Variants in KLF7 observed in about 807,000 individuals in gnomAD.
KLF7 encodes KLF transcription factor 7.
KLF7 carries 2 observed loss-of-function variants against 27.3 expected under a neutral mutation model. That is an observed-to-expected ratio of 0.07 (90% confidence interval 0.03 to 0.23). The LOEUF is 0.23. Ranked by LOEUF, KLF7 falls within the 10% of genes least tolerant of loss-of-function variation. The probability of loss-of-function intolerance (pLI) is 1.00; values close to 1 mark genes in which losing one functional copy is unlikely to be tolerated. For missense variants in KLF7, 221 were observed against 394.1 expected, an observed-to-expected ratio of 0.56 and a Z score of 3.72; for synonymous variants, 165 against 162.4, an observed-to-expected ratio of 1.02 and a Z score of -0.12.
intron 3 of KLF7, among the ~76,000 whole-genome samples, chr2:207,088,217 G>A (rs1221286316): frequency 6.6e-6 from 1 of 152,054 alleles, no homozygotes; most frequent in African/African-American, 2.4e-5. Flanking sequence ...ACCATTTCTG[G>A]CTCAAAGCTA....
intron 1 of KLF7, among the ~76,000 whole-genome samples, chr2:207,155,790 C>T (rs945841324): frequency 6.6e-6 from 1 of 152,200 alleles, no homozygotes; most frequent in Non-Finnish European, 1.5e-5. Context: ...AGAAGCTGCA[C>T]TTCACTAACA....
chr2:207,135,207 C>A (rs2077751559), intron 1 of KLF7, among the ~76,000 whole-genome samples: 1 of 151,886 alleles, frequency 6.6e-6, no homozygotes, highest in Admixed American at 6.6e-5. Flanking sequence ...ATCTGGAATT[C>A]TATGAGGAAG....
At chr2:207,170,228 C>A (rs918004597), upstream of KLF7, among the ~76,000 whole-genome samples, 1 of 152,134 alleles carries the variant, frequency 6.6e-6, no homozygotes. Context: ...GATGGAAGAT[C>A]AAACCAGCAA....
chr2:207,166,300 G>A (rs2078707059), upstream of KLF7: 3 of 451,538 alleles, frequency 6.6e-6, no homozygotes, highest in Non-Finnish European at 8.8e-6. Flanking sequence ...GGCACGCTGC[G>A]GATCTCCCTG....
chr2:207,150,895 A>G lies in KLF7; in HGVS notation c.102+14572T>C, dbSNP rs181102136. Among the ~76,000 whole-genome samples the G allele has an allele frequency of 2.5e-3, 377 of 152,220 alleles. 3 individuals are homozygous for G. Among genetic ancestry groups the G allele is most frequent in the South Asian group, 0.016 (78 of 4,822 alleles). On this transcript the variant is annotated intron_variant, in intron 1 of 3. Transcript: ENST00000309446. ...TCCTGCAAATGTTCATTAATAGAAG[A>G]TAATCATAAAATTAAAAACAACAAA...
At chr2:207,119,585 A>T (rs2077281562) in intron 2 of KLF7, among the ~76,000 whole-genome samples, 1 of 152,214 alleles carries the variant, frequency 6.6e-6, no homozygotes, top group African/African-American at 2.4e-5. Flanking sequence ...AAAATATATG[A>T]AGACCAGAAC....
At position 207,124,206 on chromosome 2, in the gene KLF7, G is replaced by A. The variant is rs773069957; in HGVS notation, c.301C>T (p.Arg101Trp). Residue 101 changes from arginine (R) to tryptophan (W), a missense_variant, in exon 2 of 4, where the codon CGG (arginine) becomes TGG (tryptophan). Arg to Trp is a moderately radical substitution (Grantham distance 101). Coordinates refer to ENST00000309446, the MANE Select transcript of KLF7 (RefSeq NM_003709.4). ...KSSAVDILLS[R>W]DKLLSETCLS... is the part of the protein sequence containing the mutation. ...CAGGTCTCAGATAGCAACTTGTCCC[G>A]AGAGAGCAAGATGTCCACTGCCGAG... 4 of 1,614,128 alleles carry A rather than the reference G, an allele frequency of 2.5e-6. No homozygotes were observed. Among genetic ancestry groups the A allele is most frequent in the South Asian group, 1.1e-5 (1 of 91,066 alleles).
chr2:207,107,713 C>G (rs2076915655), intron 2 of KLF7, among the ~76,000 whole-genome samples: 1 of 152,166 alleles, frequency 6.6e-6, no homozygotes, highest in Non-Finnish European at 1.5e-5. Context: ...TGCCAAATGC[C>G]AGCCGGCTCT....
intron 1 of KLF7, among the ~76,000 whole-genome samples, chr2:207,129,170 T>G: frequency 6.6e-6 from 1 of 152,226 alleles, no homozygotes; most frequent in East Asian, 1.9e-4. Context: ...AACTGTAAAT[T>G]TGGATAGAGA....
intron 2 of KLF7, among the ~76,000 whole-genome samples, chr2:207,098,045 T>C (rs1290955857): frequency 6.6e-6 from 1 of 152,190 alleles, no homozygotes; most frequent in Non-Finnish European, 1.5e-5. Flanking sequence ...CACTTATACC[T>C]GAAGCTGTAT....
At chr2:207,099,015 A>G (rs2076695718) in intron 2 of KLF7, among the ~76,000 whole-genome samples, 1 of 152,122 alleles carries the variant, frequency 6.6e-6, no homozygotes, top group South Asian at 2.1e-4. Flanking sequence ...AGCATGGGTA[A>G]TATCAAGGCA....
intron 2 of KLF7, among the ~76,000 whole-genome samples, chr2:207,106,083 T>C (rs189631333): frequency 1.2e-3 from 178 of 152,380 alleles, no homozygotes; most frequent in African/African-American, 4.0e-3. Context: ...TAATTACTTT[T>C]TAAATGTGCA....
intron 2 of KLF7, among the ~76,000 whole-genome samples, chr2:207,101,126 A>C (rs1037362487): frequency 6.6e-6 from 1 of 152,380 alleles, no homozygotes; most frequent in South Asian, 2.1e-4. Context: ...AAACAGGAAA[A>C]GTCAAATGCT....
At chr2:207,093,717 C>T (rs1405113619) in intron 2 of KLF7, among the ~76,000 whole-genome samples, 1 of 152,214 alleles carries the variant, frequency 6.6e-6, no homozygotes, top group Non-Finnish European at 1.5e-5. Flanking sequence ...CCGTCCGATA[C>T]ATTAGGTGAA....
At chr2:207,083,268 T>C (rs996370688) in intron 3 of KLF7, among the ~76,000 whole-genome samples, 4 of 152,230 alleles carry the variant, frequency 2.6e-5, no homozygotes, top group African/African-American at 9.6e-5. Flanking sequence ...CAACTCAGTA[T>C]TGCCCACTGC....
chr2:207,161,679 T>C (rs1025528643), intron 1 of KLF7, among the ~76,000 whole-genome samples: 1 of 152,230 alleles, frequency 6.6e-6, no homozygotes, highest in Admixed American at 6.5e-5. Flanking sequence ...CTGTACGTTT[T>C]CCCCTAGAGA....
intron 1 of KLF7, among the ~76,000 whole-genome samples, chr2:207,158,650 C>T (rs1322815618): frequency 6.6e-6 from 1 of 152,244 alleles, no homozygotes; most frequent in East Asian, 1.9e-4. Context: ...TAATCTGGGG[C>T]TATTTTTTCG....
At chr2:207,083,935 C>T (rs997707715) in intron 3 of KLF7, among the ~76,000 whole-genome samples, 2 of 152,146 alleles carry the variant, frequency 1.3e-5, no homozygotes, top group African/African-American at 4.8e-5. Flanking sequence ...GGATATTCCC[C>T]TAGAGCCTCC....
At chr2:207,147,585 G>T (rs997084529) in intron 1 of KLF7, among the ~76,000 whole-genome samples, 1 of 152,072 alleles carries the variant, frequency 6.6e-6, no homozygotes, top group Non-Finnish European at 1.5e-5. Context: ...TGGCTGGGGC[G>T]GAGGAGTCTG....
Sources: gnomAD v4.1 joint callset for allele counts (sites outside exome capture counted in the v4.1 genomes callset) on GRCh38, gnomAD v4.1.1 for gene constraint, MANE v1.5 for transcripts, NCBI Gene and HGNC (gene_info 2026-07-23, HGNC 2026-07-21) for gene names.